FRS2: variants seen among roughly 807,000 people sequenced by gnomAD.
FRS2 encodes the protein FGFR signalling adaptor.
Under a neutral mutation model 43.9 loss-of-function variants are expected in FRS2, and 8 were observed. The ratio of observed to expected loss-of-function variants is 0.18; its 90% CI spans 0.11 to 0.33. FRS2 has a LOEUF of 0.33. Ranked by LOEUF, FRS2 falls within the 10% of genes least tolerant of loss-of-function variation. The pLI, the probability that FRS2 is intolerant of heterozygous loss-of-function variation, is 1.00. For missense variants in FRS2, 534 were observed against 627.6 expected, an observed-to-expected ratio of 0.85 and a Z score of 1.59; for synonymous variants, 219 against 220.3, an observed-to-expected ratio of 0.99 and a Z score of 0.05.
chr12:69,478,217 AT>A (rs921673550), intron 1 of FRS2, among the ~76,000 whole-genome samples: 4 of 151,586 alleles, frequency 2.6e-5, no homozygotes, highest in Non-Finnish European at 4.4e-5. Context: ...ATCCGTTAAA[AT>A]TTTTTTTTCT....
intron 1 of FRS2, among the ~76,000 whole-genome samples, chr12:69,490,072 C>G (rs1872327792): frequency 6.6e-6 from 1 of 151,754 alleles, no homozygotes; most frequent in African/African-American, 2.4e-5. Context: ...TAACAAAAGA[C>G]CCAGTAAAAG....
intron 3 of FRS2, among the ~76,000 whole-genome samples, chr12:69,552,302 CAAAAAAAAAAAAAA>C (rs35353764): frequency 1.9e-5 from 1 of 51,362 alleles, no homozygotes; most frequent in Non-Finnish European, 3.3e-5. Context: ...AACTCCGTCT[CAAAAAAAAAAAAAA>C]AAAAAAAAAA....
intron 1 of FRS2, among the ~76,000 whole-genome samples, chr12:69,517,658 T>A (rs1370865761): frequency 3.3e-5 from 5 of 152,212 alleles, no homozygotes; most frequent in Non-Finnish European, 7.3e-5. Flanking sequence ...TCTAATTTCC[T>A]TTAACTCATA....
intron 1 of FRS2, among the ~76,000 whole-genome samples, 173 bp from the exon 2 acceptor site, chr12:69,530,692 G>A (rs552793388): frequency 5.6e-4 from 86 of 152,266 alleles, no homozygotes; most frequent in African/African-American, 2.0e-3. Context: ...GCAGTGAGGC[G>A]TGATGGTGCC....
rs143980344 is a variant in FRS2, at chr12:69,513,195, A to G, written c.-260-17670A>G. Among the ~76,000 whole-genome samples, 1,439 of 151,918 alleles carry G rather than the reference A, an allele frequency of 9.5e-3. 27 individuals carry two copies. The highest frequency in any genetic ancestry group is 0.032 in the African/African-American group (1,329 of 41,416). On this transcript the variant is annotated intron_variant, in intron 1 of 8. Coordinates refer to ENST00000549921, the MANE Select transcript of FRS2 (RefSeq NM_001278356.2). ...TTAATACATTGGATGTACATTAACA[A>G]CAATATACCTTTCCAAATTCTTCTT...
chr12:69,578,619 G>A lies in FRS2; in HGVS notation c.*3664G>A, dbSNP rs757813158. On this transcript the variant is annotated 3_prime_UTR_variant, in exon 9 of 9. Transcript: ENST00000549921. ...GGTATAAGTAGTACAGTAGTCACCA[G>A]TGTGCCACATTTGCATTAGTAATGC... 2 of 152,676 alleles carry A rather than the reference G, an allele frequency of 1.3e-5. No homozygotes were observed. Among genetic ancestry groups the A allele is most frequent in the African/African-American group, 2.4e-5 (1 of 41,554 alleles). The allele number at this position is 152,676 out of a possible 1,614,324, so 9.5% of individuals were successfully genotyped here.
intron 1 of FRS2, among the ~76,000 whole-genome samples, chr12:69,508,444 A>T (rs1316311999): frequency 6.6e-6 from 1 of 152,230 alleles, no homozygotes; most frequent in South Asian, 2.1e-4. Context: ...CAAGAAAGGC[A>T]TCTATTATGA....
At chr12:69,540,816 G>A (rs974448186) in intron 3 of FRS2, among the ~76,000 whole-genome samples, 5 of 152,174 alleles carry the variant, frequency 3.3e-5, no homozygotes, top group Non-Finnish European at 7.3e-5. Context: ...AAGTCATGTT[G>A]ATAGTGTGTT....
At chr12:69,542,410 C>T (rs1328983841) in intron 3 of FRS2, among the ~76,000 whole-genome samples, 2 of 151,934 alleles carry the variant, frequency 1.3e-5, no homozygotes, top group Admixed American at 6.6e-5. Flanking sequence ...TTACAAAATA[C>T]AGCATAACAA....
At chr12:69,545,933 C>T (rs1878363839) in intron 3 of FRS2, among the ~76,000 whole-genome samples, 2 of 152,088 alleles carry the variant, frequency 1.3e-5, no homozygotes, top group Non-Finnish European at 2.9e-5. Context: ...GTTGGATCTT[C>T]ACCTAGCACC....
At chr12:69,555,969 G>A (rs184599015) in intron 3 of FRS2, among the ~76,000 whole-genome samples, 97 of 148,486 alleles carry the variant, frequency 6.5e-4, no homozygotes, top group South Asian at 1.9e-3. Context: ...ATAGTTGCTT[G>A]GCATTTGGCA....
chr12:69,568,963 A>G (rs1880519574), intron 4 of FRS2, 42 bp from the exon 5 acceptor site: 3 of 930,304 alleles, frequency 3.2e-6, no homozygotes, highest in East Asian at 5.0e-5. Context: ...CAGTTTTTGT[A>G]TCCTTCATCT....
chr12:69,578,185 T>C lies in FRS2; in HGVS notation c.*3230T>C, dbSNP rs896450967. The C allele has an allele frequency of 2.0e-5, 3 of 152,626 alleles. No individual in the cohort carries two copies. The highest frequency in any genetic ancestry group is 4.4e-5 in the Non-Finnish European group (3 of 68,006). The allele number at this position is 152,626 out of a possible 1,614,324, so 9.5% of individuals were successfully genotyped here. A position where few individuals can be genotyped will look rare whatever the true frequency, so the allele number is the denominator to read the frequency against. Reference sequence around the variant, plus strand: ...ATTCCTAACCTATAATGCCCAAATGTTTTGTGCAATGTGTAGTGTGTGTGT... The same window carrying C: ...ATTCCTAACCTATAATGCCCAAATGCTTTGTGCAATGTGTAGTGTGTGTGT... On this transcript the variant is annotated 3_prime_UTR_variant, in exon 9 of 9. Transcript: ENST00000549921.
intron 3 of FRS2, among the ~76,000 whole-genome samples, chr12:69,556,018 G>C (rs533196824): frequency 2.8e-5 from 4 of 143,584 alleles, no homozygotes. Flanking sequence ...CGGGGGGGGG[G>C]GCGGTGTACA....
At chr12:69,553,748 G>C (rs914637673) in intron 3 of FRS2, among the ~76,000 whole-genome samples, 1 of 152,200 alleles carries the variant, frequency 6.6e-6, no homozygotes, top group Non-Finnish European at 1.5e-5. Flanking sequence ...AGGAATGGGC[G>C]TAGGTGGTAG....
chr12:69,573,751 C>T (rs1880954296), intron 8 of FRS2, among the ~76,000 whole-genome samples: 1 of 152,232 alleles, frequency 6.6e-6, no homozygotes, highest in African/African-American at 2.4e-5. Flanking sequence ...GCATGGGCCA[C>T]TGCGCCCAGC....
intron 3 of FRS2, among the ~76,000 whole-genome samples, chr12:69,538,197 T>TTATA (rs151295024): frequency 0.056 from 4,544 of 81,448 alleles, 292 homozygotes; most frequent in Admixed American, 0.17. Flanking sequence ...AAAACAAATT[T>TTATA]TATATATATA....
intron 3 of FRS2, among the ~76,000 whole-genome samples, chr12:69,554,054 A>T (rs1007299856): frequency 1.1e-4 from 16 of 152,108 alleles, no homozygotes; most frequent in Admixed American, 5.9e-4. Context: ...TACTCATTAG[A>T]GTTTCCCTAC....
chr12:69,553,463 C>A (rs1565769719), intron 3 of FRS2, among the ~76,000 whole-genome samples: 1 of 152,112 alleles, frequency 6.6e-6, no homozygotes, highest in Non-Finnish European at 1.5e-5. Context: ...TAATCTGATT[C>A]CACTAGCACT....
Sources: allele counts gnomAD v4.1 joint callset (sites outside exome capture counted in the v4.1 genomes callset), GRCh38; gene constraint gnomAD v4.1.1; transcripts MANE v1.5; gene names NCBI Gene and HGNC (gene_info 2026-07-23, HGNC 2026-07-21).